Variants in ARHGEF1 observed in about 807,000 individuals in gnomAD.
ARHGEF1 encodes Rho guanine nucleotide exchange factor 1, also known as 115 kDa guanine nucleotide exchange factor.
Under a neutral mutation model 119.7 loss-of-function variants are expected in ARHGEF1, and 40 were observed. The observed-to-expected ratio is 0.33, with a 90% CI of 0.26 to 0.44. The LOEUF is 0.44. ARHGEF1 is among the 20% of genes least tolerant of loss of function. The pLI is 1.00. For missense variants in ARHGEF1, 976 were observed against 1,268.3 expected, an observed-to-expected ratio of 0.77 and a Z score of 3.50; for synonymous variants, 494 against 521.0, an observed-to-expected ratio of 0.95 and a Z score of 0.71.
chr19:41,920,021 C>T (rs546408901), upstream of ARHGEF1, among the ~76,000 whole-genome samples: 80 of 136,350 alleles, frequency 5.9e-4, no homozygotes, highest in East Asian at 3.0e-3. Flanking sequence ...ACAGACATGA[C>T]GCGCTCACAG....
At chr19:41,893,079 C>T in intron 7 of ARHGEF1, 195 bp from the exon 8 acceptor site, 1 of 992,756 alleles carries the variant, frequency 1.0e-6, no homozygotes, top group Non-Finnish European at 1.4e-6. Context: ...CATGATCTGG[C>T]ACTTGGATCC....
Position 41,902,936 on chromosome 19 carries a change from C to CTTT in ARHGEF1, c.1738+46_1738+48dup. ...TGGATCTCTGGGCCTCGGCTCTCCT[C>CTTT]TTTTTTTTTTACATTTTTTTTCTCA... On this transcript the variant is annotated intron_variant, in intron 18 of 28. Transcript: ENST00000354532. The surrounding 1 kb of genome is among the most constrained non-coding windows in gnomAD (Gnocchi z 6.5). 1.6e-6 allele frequency: 2 copies of CTTT among 1,267,806 alleles called. No individual in the cohort carries two copies. Among genetic ancestry groups the CTTT allele is most frequent in the Non-Finnish European group, 1.1e-6 (1 of 936,960 alleles). 78.5% of individuals were successfully genotyped at this position (1,267,806 alleles called of 1,614,324 possible).
intron 13 of ARHGEF1, chr19:41,896,952 ACCTTCCCCCTCCTCTCTTT>A (rs2074509855): frequency 8.3e-6 from 1 of 120,186 alleles, no homozygotes; most frequent in African/African-American, 9.5e-5. Context: ...CTCCTCTCTC[ACCTTCCCCCTCCTCTCTTT>A]CCTCCCCACT....
chr19:41,926,853 C>T (rs2074874361), intron 1 of ARHGEF1, among the ~76,000 whole-genome samples: 3 of 152,066 alleles, frequency 2.0e-5, no homozygotes, highest in Admixed American at 6.5e-5. Flanking sequence ...ATTAGGTCCC[C>T]GGCTTAATCT....
At chr19:41,923,318 A>C (rs548106331) in intron 1 of ARHGEF1, 60 of 382,280 alleles carry the variant, frequency 1.6e-4, no homozygotes, top group African/African-American at 1.2e-3. Flanking sequence ...AAGAGACAAG[A>C]CAAGGAGACA....
In ARHGEF1 at chr19:41,903,390, G is replaced by A; in HGVS notation, c.1822G>A (p.Asp608Asn). Residue 608 changes from aspartate (D) to asparagine (N), a missense_variant, in exon 19 of 29, where the codon GAC (aspartate) becomes AAC (asparagine). This residue lies in a region of ARHGEF1 where 286 missense variants were observed against 506.8 expected (regional missense o/e 0.56). Coordinates refer to ENST00000354532, the MANE Select transcript of ARHGEF1 (RefSeq NM_004706.4). The surrounding 1 kb of genome is among the most constrained non-coding windows in gnomAD (Gnocchi z 4.2). ...ACACCACGTCAACCAAGCCGTGCGT[G>A]ACATGGAGGACCTGCTGGTGAGCCT... ...ILHHVNQAVR[D>N]MEDLLRLKDY... The A allele has an allele frequency of 6.2e-7, 1 of 1,613,996 alleles. No individual in the cohort carries two copies. Among genetic ancestry groups the A allele is most frequent in the Non-Finnish European group, 8.5e-7 (1 of 1,180,036 alleles).
At chr19:41,914,074 C>T (rs557490983) in intron 18 of ARHGEF1, among the ~76,000 whole-genome samples, 1,104 of 2,326 alleles carry the variant, frequency 0.47, 10 homozygotes, top group Middle Eastern at 0.5. Context: ...CCGTGAGCCC[C>T]GCCTACCCCT....
At chr19:41,887,639 C>T (rs2074313396) in intron 1 of ARHGEF1, among the ~76,000 whole-genome samples, 1 of 152,074 alleles carries the variant, frequency 6.6e-6, no homozygotes, top group South Asian at 2.1e-4. Flanking sequence ...AGAGGAGACC[C>T]CTGCACCCCA....
Position 41,885,890 on chromosome 19 carries a change from C to T in ARHGEF1, c.-19-2174C>T, listed in dbSNP as rs990357990. Among the ~76,000 whole-genome samples, 6 of 152,162 alleles carry T rather than the reference C, an allele frequency of 3.9e-5. No homozygotes were observed. The East Asian group carries it at 1.2e-3, about 29-fold the overall frequency. On this transcript the variant is annotated intron_variant, in intron 1 of 28. Transcript: ENST00000354532. ...ATCTTAGCCTCCCAAGTAGCTATGACTACAGGCATGAACCACCACACCTGG... is the reference window on the plus strand; with the variant it reads ...ATCTTAGCCTCCCAAGTAGCTATGATTACAGGCATGAACCACCACACCTGG...
intron 10 of ARHGEF1, 38 bp from the exon 11 acceptor site, chr19:41,894,588 G>T (rs782545739): frequency 1.2e-6 from 2 of 1,614,032 alleles, no homozygotes; most frequent in Admixed American, 3.3e-5. Flanking sequence ...GTCTTCCCCA[G>T]CTGCTCCCAC....
chr19:41,894,471 G>C lies in ARHGEF1; in HGVS notation c.765G>C (p.Ser255=), dbSNP rs782763644. The part of the protein sequence containing the change: ...FRKKVMGNRR[S]DEPAKTKKGL... ...CACAGGTGATGGGGAACCGGCGGTC[G>C]GACGAGCCTGCCAAGACCAAGAAGG... Residue 255 remains serine (S), a synonymous_variant, in exon 10 of 29, where the codon TCG becomes TCC. Transcript: ENST00000354532. 1 of 1,567,172 alleles carries C rather than the reference G, an allele frequency of 6.4e-7. No homozygotes were observed. The highest frequency in any genetic ancestry group is 8.7e-7 in the Non-Finnish European group (1 of 1,154,218).
At position 41,903,311 on chromosome 19, in the gene ARHGEF1, G is replaced by A. The variant is rs1555849432; in HGVS notation, c.1743G>A (p.Glu581=). ...LLQSIGQNTE[E]PTEREKVELA... is the part of the protein sequence containing the mutation. ...TGCTCTCTCCCTTGCCTGCAGAAGA[G>A]CCCACAGAACGGGAGAAAGTGGAGC... Residue 581 remains glutamate (E), a synonymous_variant, in exon 19 of 29, where the codon GAG becomes GAA. Transcript: ENST00000354532. The surrounding 1 kb of genome is among the most constrained non-coding windows in gnomAD (Gnocchi z 4.2). 2 of 1,613,776 alleles carry A rather than the reference G, an allele frequency of 1.2e-6. No homozygotes were observed. Among genetic ancestry groups the A allele is most frequent in the African/African-American group, 2.7e-5 (2 of 74,930 alleles).
chr19:41,900,243 A>T (rs2074579231), intron 14 of ARHGEF1, among the ~76,000 whole-genome samples: 1 of 152,206 alleles, frequency 6.6e-6, no homozygotes, highest in South Asian at 2.1e-4. Flanking sequence ...GTAAGCCAGG[A>T]GAATTGCTTG....
rs2074804445 is a variant in ARHGEF1 at position 41,916,814 on chromosome 19, A to C, written c.1866-6278A>C. Among the ~76,000 whole-genome samples the C allele has an allele frequency of 6.6e-6, 1 of 151,540 alleles. No individual in the cohort carries two copies. Among genetic ancestry groups the C allele is most frequent in the East Asian group, 1.9e-4 (1 of 5,184 alleles). The stretch of plus-strand genomic sequence containing the variant: ...GACACAGTCACAATCACACACACAC[A>C]CCAAGATCACGGACCCAAACATACG... On this transcript the variant is annotated intron_variant, in intron 18 of 20. Coordinates refer to the ARHGEF1 transcript ENST00000599589. The surrounding 1 kb of genome is among the most constrained non-coding windows in gnomAD (Gnocchi z 5.4).
exon 2 of ARHGEF1, chr19:41,928,941 C>T (rs1555853601): frequency 6.6e-6 from 3 of 456,292 alleles, no homozygotes; most frequent in African/African-American, 6.0e-5. Flanking sequence ...CCCGCACACA[C>T]GCAGCCTGGA....
At position 41,907,209 on chromosome 19, in the gene ARHGEF1, C is replaced by T. The variant is rs1555850486; in HGVS notation, c.*122C>T. ...ACCCCGAGGGCCTGAGGAGAGGGAG[C>T]TGTGGGCCACGCCTGGGAGGGGCCC... On this transcript the variant is annotated 3_prime_UTR_variant, in exon 29 of 29. Coordinates refer to ENST00000354532, the MANE Select transcript of ARHGEF1 (RefSeq NM_004706.4). The T allele has an allele frequency of 7.9e-6, 12 of 1,518,684 alleles. No individual in the cohort carries two copies. The highest frequency in any genetic ancestry group is 4.9e-5 in the South Asian group (4 of 81,396). 94.1% of individuals were successfully genotyped at this position (1,518,684 alleles called of 1,614,324 possible). A position where few individuals can be genotyped will look rare whatever the true frequency, so the allele number is the denominator to read the frequency against.
chr19:41,925,447 T>C (rs2074866087), intron 1 of ARHGEF1, among the ~76,000 whole-genome samples: 1 of 151,812 alleles, frequency 6.6e-6, no homozygotes, highest in South Asian at 2.1e-4. Context: ...TGTAAAGTAA[T>C]GTTGTGTATA....
chr19:41,883,683 C>T lies in ARHGEF1; in HGVS notation c.-20+394C>T, dbSNP rs1568805404. Among the ~76,000 whole-genome samples, 2 of 152,310 alleles carry T rather than the reference C, an allele frequency of 1.3e-5. No individual in the cohort carries two copies. Among genetic ancestry groups the T allele is most frequent in the East Asian group, 3.9e-4 (2 of 5,170 alleles). On this transcript the variant is annotated intron_variant, in intron 1 of 28. Coordinates refer to ENST00000354532, the MANE Select transcript of ARHGEF1 (RefSeq NM_004706.4). The surrounding 1 kb of genome is among the most constrained non-coding windows in gnomAD (Gnocchi z 7.6). ...GAACTCGCACGTGCTTTCCGCAAAG[C>T]GCCATCCTCCAACCCCCGCATGCTT... is the stretch of plus-strand genomic sequence containing the variant.
In ARHGEF1 at chr19:41,892,006, T is replaced by C. The variant is rs372036107; in HGVS notation, c.226-19T>C. On this transcript the variant is annotated intron_variant, in intron 4 of 28. Coordinates refer to ENST00000354532, the MANE Select transcript of ARHGEF1 (RefSeq NM_004706.4). The surrounding 1 kb of genome is among the most constrained non-coding windows in gnomAD (Gnocchi z 6.3). Reference sequence around the variant, plus strand: ...GGCAGGGTGAGGGAGCGGAGAGTCATGCTGTGTGTCTCCCCCAGCTTTGCT... The same window carrying C: ...GGCAGGGTGAGGGAGCGGAGAGTCACGCTGTGTGTCTCCCCCAGCTTTGCT... 6.9e-6 allele frequency: 11 copies of C among 1,587,130 alleles called. No homozygotes were observed. The highest frequency in any genetic ancestry group is 9.5e-6 in the Non-Finnish European group (11 of 1,161,810).
Sources: allele counts gnomAD v4.1 joint callset (sites outside exome capture counted in the v4.1 genomes callset), GRCh38; gene constraint gnomAD v4.1.1; regional missense constraint gnomAD v4.1.1; non-coding constraint Gnocchi (gnomAD v3.1); transcripts MANE v1.5; gene names NCBI Gene and HGNC (gene_info 2026-07-23, HGNC 2026-07-21).